WDR17: variants seen among roughly 807,000 people sequenced by gnomAD.
WDR17 encodes WD repeat domain 17.
WDR17 carries 143 observed loss-of-function variants against 161.7 expected under a neutral mutation model. That is an observed-to-expected ratio of 0.88 (90% CI 0.77 to 1.02). The LOEUF (loss-of-function observed/expected upper bound fraction) is 1.02. WDR17 is among the 50% of genes least tolerant of loss of function. The pLI is 0.00. For missense variants in WDR17, 1,469 were observed against 1,520.9 expected, an observed-to-expected ratio of 0.97 and a Z score of 0.57; for synonymous variants, 517 against 515.6, an observed-to-expected ratio of 1.00 and a Z score of -0.04.
At chr4:176,148,689 C>G (rs1473543617) in intron 13 of WDR17, among the ~76,000 whole-genome samples, 1 of 152,176 alleles carries the variant, frequency 6.6e-6, no homozygotes, top group East Asian at 1.9e-4. Flanking sequence ...ATTGACATCA[C>G]TCCAGAGGTA....
chr4:176,132,067 G>C (rs7654095), intron 7 of WDR17, among the ~76,000 whole-genome samples: 38,628 of 151,830 alleles, frequency 0.25, 5,082 homozygotes, highest in African/African-American at 0.3. Context: ...TCTGCCAGTT[G>C]CTCAAAGCCT....
Position 176,180,912 on chromosome 4 carries a change from TATTAA to T in WDR17, c.*1339_*1343del, listed in dbSNP as rs1752094775. On this transcript the variant is annotated 3_prime_UTR_variant, in exon 29 of 29. Coordinates refer to ENST00000508596, the MANE Select transcript of WDR17 (RefSeq NM_181265.4). ...GGACTAGAATTCTGACTTTGAAACT[TATTAA>T]ATTAATGCATACTGGAAGTACTTTG... 1 of 152,192 alleles carries T rather than the reference TATTAA, an allele frequency of 6.6e-6. No homozygotes were observed. Among genetic ancestry groups the T allele is most frequent in the Non-Finnish European group, 1.5e-5 (1 of 68,036 alleles). 9.4% of individuals were successfully genotyped at this position (152,192 alleles called of 1,614,324 possible).
At chr4:176,157,681 C>T (rs933300925) in intron 18 of WDR17, among the ~76,000 whole-genome samples, 4 of 152,158 alleles carry the variant, frequency 2.6e-5, no homozygotes, top group Non-Finnish European at 4.4e-5. Context: ...GGAGTCACTC[C>T]GTGTTAATAT....
intron 8 of WDR17, among the ~76,000 whole-genome samples, chr4:176,137,154 A>G (rs1331050763): frequency 6.6e-6 from 1 of 151,580 alleles, no homozygotes; most frequent in Non-Finnish European, 1.5e-5. Flanking sequence ...ATAATATTGA[A>G]GAATTATTGT....
chr4:176,138,524 A>G (rs901763399), intron 9 of WDR17, among the ~76,000 whole-genome samples: 3 of 151,682 alleles, frequency 2.0e-5, no homozygotes, highest in Non-Finnish European at 3.0e-5. Context: ...CATATAACAC[A>G]ATACCCTTTC....
chr4:176,159,612 T>TA (rs1466406245), intron 18 of WDR17, among the ~76,000 whole-genome samples: 4 of 152,200 alleles, frequency 2.6e-5, no homozygotes, highest in African/African-American at 9.6e-5. Context: ...CAATTAAAAT[T>TA]ATCTGTCTTT....
chr4:176,125,378 G>C, intron 5 of WDR17, 23 bp downstream of exon 5: 1 of 1,608,918 alleles, frequency 6.2e-7, no homozygotes, highest in South Asian at 1.1e-5. Flanking sequence ...CCATAACCCA[G>C]AGTTTTAAAT....
chr4:176,125,440 T>C, intron 5 of WDR17, 85 bp downstream of exon 5: 1 of 1,495,948 alleles, frequency 6.7e-7, no homozygotes, highest in Non-Finnish European at 9.0e-7. Flanking sequence ...TATAGGTTGA[T>C]TTTGTGTAAA....
intron 12 of WDR17, among the ~76,000 whole-genome samples, chr4:176,147,356 GATTGT>G (rs1028134136): frequency 3.9e-5 from 6 of 152,226 alleles, no homozygotes; most frequent in African/African-American, 1.4e-4. Context: ...GTCTTAAATT[GATTGT>G]AAGTTAAATT....
chr4:176,146,210 A>G, intron 12 of WDR17, 51 bp downstream of exon 12: 2 of 1,557,502 alleles, frequency 1.3e-6, no homozygotes, highest in South Asian at 2.4e-5. Flanking sequence ...ATAAGCTTAT[A>G]TTTTCCTAGA....
chr4:176,177,878 A>G (rs989357035), intron 28 of WDR17, among the ~76,000 whole-genome samples: 3 of 151,546 alleles, frequency 2.0e-5, no homozygotes, highest in African/African-American at 7.3e-5. Flanking sequence ...CACAGAAGCA[A>G]TTCATGTAAT....
At chr4:176,115,257 T>TGG (rs1740414804) in intron 2 of WDR17, among the ~76,000 whole-genome samples, 2 of 151,850 alleles carry the variant, frequency 1.3e-5, no homozygotes, top group Admixed American at 1.3e-4. Context: ...TAAGAAAAAT[T>TGG]AGGCTGTTTA....
At chr4:176,124,601 GA>G (rs540544716) in intron 4 of WDR17, among the ~76,000 whole-genome samples, 2 of 152,076 alleles carry the variant, frequency 1.3e-5, no homozygotes, top group Non-Finnish European at 2.9e-5. Flanking sequence ...ATTAAAAAAA[GA>G]AAAAAACCAC....
chr4:176,103,286 G>A, intron 1 of WDR17, among the ~76,000 whole-genome samples: 1 of 151,980 alleles, frequency 6.6e-6, no homozygotes, highest in East Asian at 1.9e-4. Context: ...GACACAGACA[G>A]CCCACAACAA....
Position 176,130,805 on chromosome 4 carries a change from G to A in WDR17, c.914-749G>A, listed in dbSNP as rs143099121. ...ATATTCCAGTGTACAATTAATAATC[G>A]ATTGGTCTTATAATTTACTGTAGTG... On this transcript the variant is annotated intron_variant, in intron 6 of 28. Coordinates refer to ENST00000508596, the MANE Select transcript of WDR17 (RefSeq NM_181265.4). Among the ~76,000 whole-genome samples, 31 of 150,878 alleles carry A rather than the reference G, an allele frequency of 2.1e-4. No individual in the cohort carries two copies. The East Asian group carries it at 2.1e-3, about 10-fold the overall frequency.
rs147125405 is a variant in WDR17 at position 176,135,205 on chromosome 4, T to C, written c.1196T>C (p.Ile399Thr). ...SFDGTIKVWDINTLTAVYTSP... is the reference protein window; with the variant it reads ...SFDGTIKVWDTNTLTAVYTSP... ...GATGGCACTATAAAAGTCTGGGATATAAACACATTAACAGCAGTGTACACA... is the reference window on the plus strand; with the variant it reads ...GATGGCACTATAAAAGTCTGGGATACAAACACATTAACAGCAGTGTACACA... The change falls in exon 8 of 29, where the codon ATA becomes ACA. Residue 399 changes from isoleucine (I) to threonine (T), a missense_variant. Physicochemically the swap from Ile to Thr is moderately conservative, Grantham distance 89 (BLOSUM62 -1). Transcript: ENST00000508596. 3.7e-3 allele frequency: 6,006 copies of C among 1,612,434 alleles called. 16 individuals carry two copies. The highest frequency in any genetic ancestry group is 7.6e-3 in the Middle Eastern group (46 of 6,056).
chr4:176,074,158 A>G (rs1733638645), intron 1 of WDR17, among the ~76,000 whole-genome samples: 2 of 151,686 alleles, frequency 1.3e-5, no homozygotes, highest in African/African-American at 4.8e-5. Context: ...TTGGTGTTTT[A>G]GACATGAAGT....
intron 9 of WDR17, among the ~76,000 whole-genome samples, chr4:176,138,741 A>G (rs1744798745): frequency 6.6e-6 from 1 of 151,862 alleles, no homozygotes; most frequent in Non-Finnish European, 1.5e-5. Flanking sequence ...TCTGCCCACT[A>G]GTACCTAAAC....
Position 176,131,136 on chromosome 4 carries a change from T to C in WDR17, c.914-418T>C, listed in dbSNP as rs564983612. ...AAAATTATTTTCACTGGCTTGGAAATTGTTGGCAGAGAGTTATTTATATTA... is the reference window on the plus strand; with the variant it reads ...AAAATTATTTTCACTGGCTTGGAAACTGTTGGCAGAGAGTTATTTATATTA... On this transcript the variant is annotated intron_variant, in intron 6 of 28. Transcript: ENST00000508596. 2.6e-5 allele frequency among the ~76,000 whole-genome samples: 4 copies of C among 152,254 alleles called. No individual in the cohort carries two copies. In the East Asian group the frequency reaches 7.7e-4, roughly 29 times the overall value.
Sources: gnomAD v4.1 joint callset for allele counts (sites outside exome capture counted in the v4.1 genomes callset) on GRCh38, gnomAD v4.1.1 for gene constraint, MANE v1.5 for transcripts, NCBI Gene and HGNC (gene_info 2026-07-23, HGNC 2026-07-21) for gene names.